The following SUMF1 variants were observed in gnomAD, a reference collection of about 807,000 sequenced individuals.
The protein encoded by SUMF1 is sulfatase modifying factor 1.
A neutral mutation model predicts 47.6 loss-of-function variants in SUMF1; 48 were observed. The ratio of observed to expected loss-of-function variants is 1.01; its 90% CI spans 0.80 to 1.28. The LOEUF (loss-of-function observed/expected upper bound fraction) is 1.28, where lower values mean the gene tolerates loss of function less well. Among genes scored for constraint, SUMF1 ranks in the 50% most tolerant of loss-of-function variants. The pLI is 0.00. For synonymous variants in SUMF1, 230 were observed against 192.1 expected, an observed-to-expected ratio of 1.20 and a Z score of -1.63; for missense variants, 571 against 485.4, an observed-to-expected ratio of 1.18 and a Z score of -1.66.
intron 3 of SUMF1, among the ~76,000 whole-genome samples, chr3:4,447,880 G>T (rs1032508584): frequency 2.0e-5 from 3 of 152,088 alleles, no homozygotes; most frequent in Non-Finnish European, 4.4e-5. Context: ...TAATGTGTTT[G>T]GAGGTTCTCA....
intron 8 of SUMF1, among the ~76,000 whole-genome samples, chr3:4,244,072 G>A (rs1455999485): frequency 6.6e-6 from 1 of 152,110 alleles, no homozygotes. Context: ...GAGAGACTAG[G>A]ATTGCAATCC....
intron 9 of SUMF1, among the ~76,000 whole-genome samples, chr3:4,065,337 A>G (rs980910873): frequency 6.6e-6 from 1 of 152,080 alleles, no homozygotes; most frequent in Non-Finnish European, 1.5e-5. Context: ...GAAATCTAAA[A>G]CCAAAGGCCT....
At chr3:4,421,428 G>A (rs1271973158) in intron 3 of SUMF1, among the ~76,000 whole-genome samples, 2 of 152,258 alleles carry the variant, frequency 1.3e-5, no homozygotes, top group Middle Eastern at 3.4e-3. Context: ...TCAGTCACAA[G>A]GAGAGCCACA....
intron 8 of SUMF1, among the ~76,000 whole-genome samples, chr3:4,347,771 G>A (rs115063582): frequency 0.02 from 2,973 of 152,150 alleles, 93 homozygotes; most frequent in African/African-American, 0.063. Flanking sequence ...ATGATTTCAC[G>A]TTTAGAAAAC....
intron 1 of SUMF1, among the ~76,000 whole-genome samples, chr3:4,461,027 AT>A (rs1213503421): frequency 2.6e-5 from 4 of 152,134 alleles, no homozygotes; most frequent in Non-Finnish European, 5.9e-5. Flanking sequence ...TGAATCTTTT[AT>A]TTCTATATCC....
At chr3:4,458,120 T>C (rs1363703716) in intron 1 of SUMF1, among the ~76,000 whole-genome samples, 2 of 151,904 alleles carry the variant, frequency 1.3e-5, no homozygotes, top group African/African-American at 2.4e-5. Context: ...CCAACAGATA[T>C]AAGAAAAAAT....
chr3:4,273,284 A>C (rs560555848), intron 8 of SUMF1, among the ~76,000 whole-genome samples: 1 of 152,102 alleles, frequency 6.6e-6, no homozygotes, highest in Non-Finnish European at 1.5e-5. Flanking sequence ...AGTTCTATCA[A>C]TTTGTGAATG....
At position 4,251,394 on chromosome 3, in the gene SUMF1, C is replaced by A. The variant is rs536238060; in HGVS notation, c.1014+124936G>T. 3.3e-5 allele frequency among the ~76,000 whole-genome samples: 5 copies of A among 152,280 alleles called. No homozygotes were observed. The East Asian group carries it at 9.6e-4, about 29-fold the overall frequency. ...AATCTACTCCTGGTGAAGATGCTGT[C>A]AACATTGTTGAAATGACAACAAAGG... On this transcript the variant is annotated intron_variant and NMD_transcript_variant, in intron 8 of 12. Coordinates refer to the SUMF1 transcript ENST00000448413.
At chr3:4,389,378 G>GCTTTTAAAAGTTTTGT (rs1700780523) in intron 7 of SUMF1, among the ~76,000 whole-genome samples, 1 of 144,826 alleles carries the variant, frequency 6.9e-6, no homozygotes, top group South Asian at 2.2e-4. Flanking sequence ...TTTTCTGGCT[G>GCTTTTAAAAGTTTTGT]CTTTTAAAAG....
At chr3:4,426,100 T>G (rs552877056) in intron 3 of SUMF1, among the ~76,000 whole-genome samples, 104 of 152,260 alleles carry the variant, frequency 6.8e-4, no homozygotes, top group Admixed American at 3.1e-3. Flanking sequence ...GAGATTTAGT[T>G]GGGGACACAG....
intron 8 of SUMF1, among the ~76,000 whole-genome samples, chr3:4,335,881 ATCCAGGAGGC>A (rs1699136908): frequency 6.8e-6 from 1 of 147,680 alleles, no homozygotes; most frequent in Non-Finnish European, 1.5e-5. Flanking sequence ...AATTGCTTGA[ATCCAGGAGGC>A]AGAGGTTGCA....
At chr3:4,161,958 A>G (rs1694587042) in intron 8 of SUMF1, among the ~76,000 whole-genome samples, 3 of 152,102 alleles carry the variant, frequency 2.0e-5, no homozygotes, top group Admixed American at 6.5e-5. Context: ...CAAGGCCCAC[A>G]GCATGTATTA....
chr3:4,371,548 C>G (rs1252706878), intron 8 of SUMF1, among the ~76,000 whole-genome samples: 1 of 152,196 alleles, frequency 6.6e-6, no homozygotes, highest in Non-Finnish European at 1.5e-5. Flanking sequence ...CTCAATTTCC[C>G]GTCCGTTGCT....
In SUMF1 at chr3:4,335,970, A is replaced by AAAACAAACAAAC. The variant is rs1559230817; in HGVS notation, c.1014+40359_1014+40360insGTTTGTTTGTTT. Among the ~76,000 whole-genome samples the AAAACAAACAAAC allele has an allele frequency of 2.6e-4, 39 of 149,604 alleles. 1 individual carries two copies. The highest frequency in any genetic ancestry group is 9.1e-4 in the African/African-American group (37 of 40,672). ...AGTGAGATTCCAACTCAAAAAAAAA[A>AAAACAAACAAAC]AAAAAAAAAACAGAAAAAACCCCCA... On this transcript the variant is annotated intron_variant and NMD_transcript_variant, in intron 8 of 12. Coordinates refer to the SUMF1 transcript ENST00000448413.
chr3:4,428,708 T>A (rs1043365393), intron 3 of SUMF1, among the ~76,000 whole-genome samples: 1 of 25,724 alleles, frequency 3.9e-5, no homozygotes, highest in Admixed American at 8.7e-4. Context: ...TTTATTCATA[T>A]TTTCATTTTA....
At chr3:4,240,261 T>G (rs1191211396) in intron 8 of SUMF1, among the ~76,000 whole-genome samples, 1 of 152,162 alleles carries the variant, frequency 6.6e-6, no homozygotes, top group Non-Finnish European at 1.5e-5. Flanking sequence ...CAGGTTTTGG[T>G]ATCAGGATGA....
At chr3:4,223,270 C>T (rs1346853612) in intron 8 of SUMF1, among the ~76,000 whole-genome samples, 2 of 152,138 alleles carry the variant, frequency 1.3e-5, no homozygotes, top group Non-Finnish European at 2.9e-5. Flanking sequence ...ACTTCAGGAT[C>T]AGACAGGTTC....
At chr3:4,167,263 T>C (rs2600136) in intron 8 of SUMF1, among the ~76,000 whole-genome samples, 51,230 of 151,680 alleles carry the variant, frequency 0.34, 8,792 homozygotes, top group East Asian at 0.4. Flanking sequence ...GGGACCCAGG[T>C]GGGTTGCTGC....
chr3:4,289,241 T>G (rs1444689481), intron 8 of SUMF1, among the ~76,000 whole-genome samples: 1 of 152,232 alleles, frequency 6.6e-6, no homozygotes, highest in Non-Finnish European at 1.5e-5. Context: ...TAGTCCCACT[T>G]GGGGAGGAGC....
Sources: gnomAD v4.1 joint callset for allele counts (sites outside exome capture counted in the v4.1 genomes callset) on GRCh38, gnomAD v4.1.1 for gene constraint, MANE v1.5 for transcripts, NCBI Gene and HGNC (gene_info 2026-07-23, HGNC 2026-07-21) for gene names.